HIVEP1: variants seen among roughly 807,000 people sequenced by gnomAD.
The protein encoded by HIVEP1 is zinc finger protein 40.
In HIVEP1, 36 loss-of-function variants were observed where a neutral mutation model predicts 180.0. That is an observed-to-expected ratio of 0.20 (90% CI 0.15 to 0.26). The LOEUF (loss-of-function observed/expected upper bound fraction) is 0.26. Among genes scored for constraint, HIVEP1 ranks in the 10% least tolerant of loss-of-function variants. The probability of loss-of-function intolerance (pLI) is 1.00; values close to 1 mark genes in which losing one functional copy is unlikely to be tolerated. For synonymous variants in HIVEP1, 1,239 were observed against 1,239.0 expected (o/e 1.00, Z 0.00); for missense variants, 3,143 against 3,268.7 (o/e 0.96, Z 0.94).
chr6:12,095,057 C>T (rs1047834823), intron 3 of HIVEP1, among the ~76,000 whole-genome samples: 3 of 151,966 alleles, frequency 2.0e-5, no homozygotes, highest in South Asian at 4.1e-4. Context: ...AAAAATCAGT[C>T]GTAGTATTTT....
At chr6:12,197,218 C>T in the HIVEP1 span, among the ~76,000 whole-genome samples, 1 of 152,064 alleles carries the variant, frequency 6.6e-6, no homozygotes, top group Admixed American at 6.6e-5. Flanking sequence ...AAGGCAAGAA[C>T]GACTACTGGG....
chr6:12,112,119 T>C (rs1774933910), intron 3 of HIVEP1, among the ~76,000 whole-genome samples: 2 of 152,344 alleles, frequency 1.3e-5, no homozygotes, highest in South Asian at 4.1e-4. Flanking sequence ...CTTTTGTTTT[T>C]CTGAAAAAAA....
chr6:12,068,252 G>A (rs888420541), intron 2 of HIVEP1, among the ~76,000 whole-genome samples: 7 of 151,986 alleles, frequency 4.6e-5, no homozygotes, highest in African/African-American at 9.7e-5. Context: ...CACCATGCCC[G>A]TCTAATTTTG....
At chr6:12,179,226 C>G in the HIVEP1 span, among the ~76,000 whole-genome samples, 4 of 152,082 alleles carry the variant, frequency 2.6e-5, no homozygotes, top group Non-Finnish European at 5.9e-5. Flanking sequence ...GAGTTGGGAA[C>G]AGATTAATAT....
chr6:12,165,180 C>A, downstream of HIVEP1: 1 of 488,804 alleles, frequency 2.0e-6, no homozygotes, highest in Non-Finnish European at 4.0e-6. Context: ...ACTGATTGAC[C>A]TATTTTTCTT....
intron 2 of HIVEP1, among the ~76,000 whole-genome samples, chr6:12,027,493 C>G (rs1167851405): frequency 2.6e-5 from 4 of 152,314 alleles, no homozygotes; most frequent in African/African-American, 9.6e-5. Context: ...TAGGGAGCCA[C>G]CTGTTGAGTC....
chr6:12,167,633 A>ATATTACATGTATATATACATGT (rs1562023553), downstream of HIVEP1, among the ~76,000 whole-genome samples: 5 of 102,464 alleles, frequency 4.9e-5, no homozygotes, highest in Non-Finnish European at 7.4e-5. Context: ...TATACATGTT[A>ATATTACATGTATATATACATGT]TATATACATA....
intron 2 of HIVEP1, chr6:12,039,096 T>C (rs753869698): frequency 2.0e-5 from 3 of 151,848 alleles, no homozygotes; most frequent in Non-Finnish European, 4.4e-5. Context: ...GTTACCTATT[T>C]ATCTACACTG....
At chr6:12,185,092 C>A in the HIVEP1 span, among the ~76,000 whole-genome samples, 1 of 152,218 alleles carries the variant, frequency 6.6e-6, no homozygotes, top group Non-Finnish European at 1.5e-5. Flanking sequence ...AACTCTCAAA[C>A]TGGACAAAAA....
chr6:12,018,332 C>G (rs1430038606), intron 2 of HIVEP1, among the ~76,000 whole-genome samples: 2 of 152,214 alleles, frequency 1.3e-5, no homozygotes, highest in Non-Finnish European at 2.9e-5. Flanking sequence ...GAAGGGGATC[C>G]CACAGTGCAG....
rs543658820 is a variant in HIVEP1 at position 12,133,384 on chromosome 6, A to T, written c.6386-2407A>T. ...AAACAAAACCTCTCATGCTTTCCAG[A>T]GGATTCAGATAAATGTTTATTAAAT... On this transcript the variant is annotated intron_variant, in intron 6 of 8. Transcript: ENST00000379388. 9.2e-5 allele frequency among the ~76,000 whole-genome samples: 14 copies of T among 152,362 alleles called. No individual in the cohort carries two copies. The East Asian group carries it at 2.3e-3, about 25-fold the overall frequency.
rs554005817 is a variant in HIVEP1, at chr6:12,058,351, A to G, written c.41-30833A>G. On this transcript the variant is annotated intron_variant, in intron 2 of 8. Coordinates refer to ENST00000379388, the MANE Select transcript of HIVEP1 (RefSeq NM_002114.4). ...TGTGTTTAGAGAAATAGAAATTGTC[A>G]AAAGGAAGTTAAAGGGGTTGATGAT... Among the ~76,000 whole-genome samples the G allele has an allele frequency of 6.6e-5, 10 of 152,342 alleles. No individual in the cohort carries two copies. In the South Asian group the frequency reaches 1.2e-3, roughly 19 times the overall value.
At chr6:12,207,826 G>C in the HIVEP1 span, among the ~76,000 whole-genome samples, 1 of 149,332 alleles carries the variant, frequency 6.7e-6, no homozygotes, top group Non-Finnish European at 1.5e-5. Flanking sequence ...GAGGTTGGAG[G>C]ATTGTTTGAG....
the HIVEP1 span, among the ~76,000 whole-genome samples, chr6:12,173,259 T>C: frequency 6.6e-6 from 1 of 152,166 alleles, no homozygotes; most frequent in African/African-American, 2.4e-5. Flanking sequence ...GCATAACATA[T>C]TATATTATGA....
intron 2 of HIVEP1, among the ~76,000 whole-genome samples, chr6:12,023,684 C>T (rs1449314043): frequency 2.0e-5 from 3 of 151,932 alleles, no homozygotes; most frequent in East Asian, 3.9e-4. Context: ...TATTTTTCGG[C>T]TCATGTTGAG....
In HIVEP1 at chr6:12,164,290, A is replaced by C. The variant is rs1245053050; in HGVS notation, c.7986A>C (p.Gln2662His). The C allele has an allele frequency of 6.2e-7, 1 of 1,613,672 alleles. No individual in the cohort carries two copies. Among genetic ancestry groups the C allele is most frequent in the Non-Finnish European group, 8.5e-7 (1 of 1,179,964 alleles). ...SIQGQPASTSQPLLKAHSEVF... is the reference protein window; with the variant it reads ...SIQGQPASTSHPLLKAHSEVF... The stretch of plus-strand genomic sequence containing the variant: ...AGGGCCAACCAGCGTCCACGTCACA[A>C]CCTCTGCTGAAGGCACATTCTGAAG... Residue 2662 changes from glutamine (Q) to histidine (H), a missense_variant, in exon 9 of 9, where the codon CAA (glutamine) becomes CAC (histidine). Transcript: ENST00000379388.
intron 2 of HIVEP1, among the ~76,000 whole-genome samples, chr6:12,064,414 G>A (rs1299002806): frequency 2.0e-5 from 3 of 152,276 alleles, no homozygotes; most frequent in Middle Eastern, 3.4e-3. Context: ...CTTAATGATC[G>A]TTTGTTAACA....
intron 3 of HIVEP1, among the ~76,000 whole-genome samples, chr6:12,103,771 T>A (rs1421044598): frequency 6.6e-6 from 1 of 152,136 alleles, no homozygotes; most frequent in Admixed American, 6.5e-5. Context: ...ATTTTATTTA[T>A]AATATAAGTT....
chr6:12,122,936 A>G lies in HIVEP1; in HGVS notation c.3141A>G (p.Glu1047=). 1 of 1,613,860 alleles carries G rather than the reference A, an allele frequency of 6.2e-7. No individual in the cohort carries two copies. The highest frequency in any genetic ancestry group is 8.5e-7 in the Non-Finnish European group (1 of 1,179,944). Reference sequence around the variant, plus strand: ...ATGATGAAGAACTTCAGCAAAATGAAAGTGGAACATCTCCAAAAAGTTCTG... The same window carrying G: ...ATGATGAAGAACTTCAGCAAAATGAGAGTGGAACATCTCCAAAAAGTTCTG... ...VGDDEELQQN[E]SGTSPKSSEG... is the part of the protein sequence containing the mutation. The change falls in exon 4 of 9, where the codon GAA becomes GAG. Residue 1047 remains glutamate (E), a synonymous_variant. Coordinates refer to ENST00000379388, the MANE Select transcript of HIVEP1 (RefSeq NM_002114.4).
Sources: allele counts gnomAD v4.1 joint callset (sites outside exome capture counted in the v4.1 genomes callset), GRCh38; gene constraint gnomAD v4.1.1; transcripts MANE v1.5; gene names NCBI Gene and HGNC (gene_info 2026-07-23, HGNC 2026-07-21).